The following OR4N2 variants were observed in gnomAD, a reference collection of about 807,000 sequenced individuals.
OR4N2 encodes the protein olfactory receptor 4N2.
For synonymous variants in OR4N2, 141 were observed against 140.4 expected (o/e 1.00, Z -0.03); for missense variants, 307 against 377.6 (o/e 0.81, Z 1.55).
In OR4N2 at chr14:19,820,531, C is replaced by G. The variant is rs536654069; in HGVS notation, c.-9-6909C>G. The stretch of plus-strand genomic sequence containing the variant: ...AAGTCTGCTGAAGCTGTGCCCACAG[C>G]CGCCCTTCCCCCCAGGTGCTCTGTC... On this transcript the variant is annotated intron_variant, in intron 1 of 1. Coordinates refer to ENST00000557677, the MANE Select transcript of OR4N2 (RefSeq NM_001004723.3). 1.6e-4 allele frequency among the ~76,000 whole-genome samples: 24 copies of G among 152,336 alleles called. No individual in the cohort carries two copies. In the Middle Eastern group the frequency reaches 0.01, roughly 65 times the overall value.
At position 19,828,042 on chromosome 14, in the gene OR4N2, G is replaced by T; in HGVS notation, c.594G>T (p.Leu198=). Residue 198 remains leucine, a synonymous_variant, in exon 2 of 2, where the codon CTG becomes CTT. Coordinates refer to ENST00000557677, the MANE Select transcript of OR4N2 (RefSeq NM_001004723.3). Reference sequence around the variant, plus strand: ...CCGACACATTTGTGGTGGAGCTTCTGATGGTCTTCAACAGTGGCCTGATGA... The same window carrying T: ...CCGACACATTTGTGGTGGAGCTTCTTATGGTCTTCAACAGTGGCCTGATGA... The part of the protein sequence containing the change: ...ACTDTFVVEL[L]MVFNSGLMTL... 1 of 1,614,232 alleles carries T rather than the reference G, an allele frequency of 6.2e-7. No homozygotes were observed. The highest frequency in any genetic ancestry group is 1.3e-5 in the African/African-American group (1 of 75,050).
At chr14:19,807,830 C>G (rs1160487007) in intron 1 of OR4N2, among the ~76,000 whole-genome samples, 3 of 152,104 alleles carry the variant, frequency 2.0e-5, no homozygotes, top group African/African-American at 7.2e-5. Flanking sequence ...ATGCAAATAT[C>G]ATCAACAAAA....
chr14:19,822,218 A>G (rs11849083), intron 1 of OR4N2: 41,710 of 148,390 alleles, frequency 0.28, 2,926 homozygotes, highest in African/African-American at 0.32. Context: ...CTTTACTGGC[A>G]AACAAAACCT....
In OR4N2 at chr14:19,825,254, G is replaced by C. The variant is rs1480423135; in HGVS notation, c.-9-2186G>C. Among the ~76,000 whole-genome samples, 8 of 152,310 alleles carry C rather than the reference G, an allele frequency of 5.3e-5. No individual in the cohort carries two copies. The East Asian group carries it at 1.4e-3, about 26-fold the overall frequency. ...CACATGTGGCTGCCAGTAACACCCA[G>C]AAATTTCTGTATTAACCACTCTATT... On this transcript the variant is annotated intron_variant, in intron 1 of 1. Transcript: ENST00000557677.
At chr14:19,810,788 T>A (rs768890296) in intron 1 of OR4N2, among the ~76,000 whole-genome samples, 1 of 152,228 alleles carries the variant, frequency 6.6e-6, no homozygotes, top group African/African-American at 2.4e-5. Flanking sequence ...GATAAACCCA[T>A]AGTAGAATGA....
At chr14:19,818,600 G>T (rs1879485899) in intron 1 of OR4N2, among the ~76,000 whole-genome samples, 1 of 152,076 alleles carries the variant, frequency 6.6e-6, no homozygotes, top group Non-Finnish European at 1.5e-5. Flanking sequence ...TGGGTCTCCT[G>T]AATACAGCAC....
At chr14:19,812,295 G>T (rs1371350425) in intron 1 of OR4N2, among the ~76,000 whole-genome samples, 6 of 143,702 alleles carry the variant, frequency 4.2e-5, no homozygotes, top group African/African-American at 7.6e-5. Flanking sequence ...GTTATTTTTT[G>T]ACTTTTCTTT....
At chr14:19,816,969 G>T (rs1313993764) in intron 1 of OR4N2, among the ~76,000 whole-genome samples, 2 of 152,230 alleles carry the variant, frequency 1.3e-5, no homozygotes, top group African/African-American at 2.4e-5. Flanking sequence ...TTTTTCACTG[G>T]TTCTGTTTAT....
intron 1 of OR4N2, among the ~76,000 whole-genome samples, chr14:19,812,282 TCTGTTATTTTTTG>T (rs1879315613): frequency 6.6e-6 from 1 of 151,644 alleles, no homozygotes; most frequent in Non-Finnish European, 1.5e-5. Flanking sequence ...CTTTGAATTT[TCTGTTATTTTTTG>T]ACTTTTCTTT....
chr14:19,821,564 A>G (rs1186357666), intron 1 of OR4N2, among the ~76,000 whole-genome samples: 3 of 152,226 alleles, frequency 2.0e-5, no homozygotes, highest in Non-Finnish European at 4.4e-5. Context: ...GAATTTTATT[A>G]TAACACGTAA....
intron 1 of OR4N2, among the ~76,000 whole-genome samples, chr14:19,816,373 T>G (rs1879428233): frequency 6.6e-6 from 1 of 152,244 alleles, no homozygotes; most frequent in Admixed American, 6.5e-5. Flanking sequence ...CTCTTTTTCC[T>G]TGAGCGGTGG....
At chr14:19,804,729 C>T (rs796710768) in intron 1 of OR4N2, among the ~76,000 whole-genome samples, 20 of 152,284 alleles carry the variant, frequency 1.3e-4, no homozygotes, top group South Asian at 2.1e-4. Flanking sequence ...TGTCAAATGT[C>T]GAGCTCAGTC....
In OR4N2 at chr14:19,827,795, T is replaced by C. The variant is rs1159505686; in HGVS notation, c.347T>C (p.Val116Ala). ...FLGGGEGLLL[V>A]VMAFDRYIAI... ...GGAGGAGGGGAGGGATTACTCCTTGTTGTGATGGCCTTTGACCGCTACATC... is the reference window on the plus strand; with the variant it reads ...GGAGGAGGGGAGGGATTACTCCTTGCTGTGATGGCCTTTGACCGCTACATC... Residue 116 changes from valine (V) to alanine (A), a missense_variant, in exon 2 of 2, where the codon GTT becomes GCT. Coordinates refer to ENST00000557677, the MANE Select transcript of OR4N2 (RefSeq NM_001004723.3). 3 of 1,614,170 alleles carry C rather than the reference T, an allele frequency of 1.9e-6. No individual in the cohort carries two copies. Among genetic ancestry groups the C allele is most frequent in the Non-Finnish European group, 2.5e-6 (3 of 1,180,062 alleles).
chr14:19,824,585 C>T (rs1394179398), intron 1 of OR4N2, among the ~76,000 whole-genome samples: 6 of 152,218 alleles, frequency 3.9e-5, no homozygotes, highest in African/African-American at 1.4e-4. Flanking sequence ...CCACACAGGT[C>T]CACTTATATG....
chr14:19,812,541 G>A (rs1300591396), intron 1 of OR4N2, among the ~76,000 whole-genome samples: 4 of 152,028 alleles, frequency 2.6e-5, no homozygotes, highest in African/African-American at 9.7e-5. Flanking sequence ...GTATTTTTCA[G>A]TAGAGACGAG....
chr14:19,826,098 G>A (rs973060658), intron 1 of OR4N2, among the ~76,000 whole-genome samples: 20 of 152,118 alleles, frequency 1.3e-4, no homozygotes, highest in African/African-American at 4.6e-4. Context: ...AGAAAACAAC[G>A]AAATGTAGTG....
chr14:19,806,614 A>G (rs1045798146), intron 1 of OR4N2, among the ~76,000 whole-genome samples: 2 of 152,208 alleles, frequency 1.3e-5, no homozygotes, highest in Non-Finnish European at 2.9e-5. Context: ...CAATCCTACA[A>G]TAATACTGGG....
At position 19,815,879 on chromosome 14, in the gene OR4N2, G is replaced by C. The variant is rs376447380; in HGVS notation, c.-9-11561G>C. On this transcript the variant is annotated intron_variant, in intron 1 of 1. Coordinates refer to ENST00000557677, the MANE Select transcript of OR4N2 (RefSeq NM_001004723.3). ...CCATCTTGAGTTAATTTTGTATAAGGTGTAAGGAAGGGGTTCAGTTTCAGT... is the reference window on the plus strand; with the variant it reads ...CCATCTTGAGTTAATTTTGTATAAGCTGTAAGGAAGGGGTTCAGTTTCAGT... 8.4e-4 allele frequency among the ~76,000 whole-genome samples: 128 copies of C among 152,294 alleles called. 1 individual carries two copies. In the South Asian group the frequency reaches 0.019, roughly 22 times the overall value.
intron 1 of OR4N2, among the ~76,000 whole-genome samples, chr14:19,811,872 C>G (rs1879304898): frequency 1.3e-5 from 2 of 152,298 alleles, no homozygotes; most frequent in Non-Finnish European, 1.5e-5. Context: ...GAATGCATGC[C>G]CCCTTAAGAT....
Sources: gnomAD v4.1 joint callset for allele counts (sites outside exome capture counted in the v4.1 genomes callset) on GRCh38, gnomAD v4.1.1 for gene constraint, MANE v1.5 for transcripts, NCBI Gene and HGNC (gene_info 2026-07-23, HGNC 2026-07-21) for gene names.